FBXO25: variants seen among roughly 807,000 people sequenced by gnomAD.
FBXO25 encodes F-box protein 25.
FBXO25 carries 45 observed loss-of-function variants against 51.9 expected under a neutral mutation model. The ratio of observed to expected loss-of-function variants is 0.87; its 90% CI spans 0.68 to 1.11. The LOEUF is 1.11. Ranked by LOEUF, FBXO25 falls within the 50% of genes most tolerant of loss-of-function variation. The pLI is 0.00. For synonymous variants in FBXO25, 199 were observed against 151.0 expected, an observed-to-expected ratio of 1.32 and a Z score of -2.33; for missense variants, 507 against 428.5, an observed-to-expected ratio of 1.18 and a Z score of -1.62.
intron 9 of FBXO25, chr8:467,855 C>G: frequency 6.3e-7 from 1 of 1,588,390 alleles, no homozygotes; most frequent in East Asian, 2.2e-5. Context: ...CCAGCTCTCG[C>G]TGACTTGAGC....
chr8:467,555 T>C (rs917870317), intron 9 of FBXO25, among the ~76,000 whole-genome samples: 1 of 152,248 alleles, frequency 6.6e-6, no homozygotes, highest in Non-Finnish European at 1.5e-5. Flanking sequence ...TTAATAACCT[T>C]GTACTGTCCA....
chr8:432,113 T>A (rs1284514002), intron 3 of FBXO25, among the ~76,000 whole-genome samples: 1 of 152,226 alleles, frequency 6.6e-6, no homozygotes, highest in African/African-American at 2.4e-5. Flanking sequence ...ATGGCCACCA[T>A]CACTGCTCTT....
At chr8:427,025 C>G (rs192073183) in intron 2 of FBXO25, among the ~76,000 whole-genome samples, 5 of 152,022 alleles carry the variant, frequency 3.3e-5, no homozygotes, top group African/African-American at 1.2e-4. Flanking sequence ...TACACTGATA[C>G]GAAGTAGCTT....
intron 2 of FBXO25, among the ~76,000 whole-genome samples, chr8:429,647 C>T (rs1797699588): frequency 6.6e-6 from 1 of 152,104 alleles, no homozygotes; most frequent in African/African-American, 2.4e-5. Flanking sequence ...GTGTAAAACC[C>T]ACAACCAAAA....
intron 2 of FBXO25, among the ~76,000 whole-genome samples, chr8:415,654 A>G (rs143689858): frequency 8.6e-4 from 131 of 152,290 alleles, no homozygotes; most frequent in Middle Eastern, 3.4e-3. Flanking sequence ...TGAGTCACAT[A>G]TTGATTGGAC....
At chr8:454,693 C>T (rs973088609) in intron 7 of FBXO25, among the ~76,000 whole-genome samples, 1 of 152,054 alleles carries the variant, frequency 6.6e-6, no homozygotes, top group Non-Finnish European at 1.5e-5. Context: ...AGATAGAGAC[C>T]ATGCTGGCTA....
rs781070917 is a variant in FBXO25 at position 477,176 on chromosome 8, T to C, written c.*8372T>C. 2 of 152,250 alleles carry C rather than the reference T, an allele frequency of 1.3e-5. No homozygotes were observed. Among genetic ancestry groups the C allele is most frequent in the Non-Finnish European group, 2.9e-5 (2 of 68,048 alleles). The allele number at this position is 152,250 out of a possible 1,614,324, so 9.4% of individuals were successfully genotyped here. On this transcript the variant is annotated 3_prime_UTR_variant, in exon 10 of 10. Transcript: ENST00000350302. ...TTTATTTCCTCAGTCTTTTGAAATT[T>C]GTTGACTTGTTTAGTCATCTAACAT...
At chr8:408,440 C>T (rs905983404) in intron 1 of FBXO25, among the ~76,000 whole-genome samples, 2 of 152,172 alleles carry the variant, frequency 1.3e-5, no homozygotes, top group African/African-American at 4.8e-5. Flanking sequence ...AGTGAGACTC[C>T]ATCATTTTGA....
chr8:422,281 G>A (rs1797204113), intron 2 of FBXO25, among the ~76,000 whole-genome samples: 1 of 152,254 alleles, frequency 6.6e-6, no homozygotes, highest in African/African-American at 2.4e-5. Context: ...GTGGTGCTGT[G>A]TGAATGGCAC....
chr8:444,949 C>T (rs968514686), intron 5 of FBXO25, among the ~76,000 whole-genome samples: 2 of 152,226 alleles, frequency 1.3e-5, no homozygotes, highest in East Asian at 1.9e-4. Context: ...CCTTGTTAAG[C>T]GACCCATGAC....
At chr8:452,645 G>T (rs373683356) in intron 7 of FBXO25, among the ~76,000 whole-genome samples, 1 of 152,192 alleles carries the variant, frequency 6.6e-6, no homozygotes. Context: ...CCCAAGGAAG[G>T]GGGTGTTTGG....
At position 477,077 on chromosome 8, in the gene FBXO25, C is replaced by T. The variant is rs985364484; in HGVS notation, c.*8273C>T. On this transcript the variant is annotated 3_prime_UTR_variant, in exon 10 of 10. Coordinates refer to ENST00000350302, the MANE Select transcript of FBXO25 (RefSeq NM_183420.2). ...GGTTGAGAGCGTTGTTTAATTTTCA[C>T]ATAATTGTGTACTTTTCAGTTTTTT... 1 of 152,156 alleles carries T rather than the reference C, an allele frequency of 6.6e-6. No individual in the cohort carries two copies. The highest frequency in any genetic ancestry group is 1.5e-5 in the Non-Finnish European group (1 of 68,030). The allele number at this position is 152,156 out of a possible 1,614,324, so 9.4% of individuals were successfully genotyped here. A position where few individuals can be genotyped will look rare whatever the true frequency, so the allele number is the denominator to read the frequency against.
At chr8:413,312 T>A in intron 2 of FBXO25, 99 bp downstream of exon 2, 1 of 1,362,898 alleles carries the variant, frequency 7.3e-7, no homozygotes, top group Non-Finnish European at 9.5e-7. Context: ...CTTTTGAGAC[T>A]TGCCCACCCA....
intron 2 of FBXO25, among the ~76,000 whole-genome samples, chr8:430,411 CA>C (rs1317740407): frequency 6.6e-6 from 1 of 151,548 alleles, no homozygotes; most frequent in African/African-American, 2.4e-5. Flanking sequence ...TCTGTTCTGA[CA>C]GTGAGAAAGT....
In FBXO25 at chr8:419,580, G is replaced by A. The variant is rs532266507; in HGVS notation, c.134+6367G>A. 7.9e-5 allele frequency among the ~76,000 whole-genome samples: 12 copies of A among 152,204 alleles called. No homozygotes were observed. In the South Asian group the frequency reaches 2.5e-3, roughly 32 times the overall value. On this transcript the variant is annotated intron_variant, in intron 2 of 9. Coordinates refer to ENST00000350302, the MANE Select transcript of FBXO25 (RefSeq NM_183420.2). ...CCATGGAGAAAGTGTAATCTTGTCA[G>A]CAAATGGGCTAGAAAACTAGATGTG...
At chr8:408,534 C>G (rs1796303212) in intron 1 of FBXO25, among the ~76,000 whole-genome samples, 1 of 152,178 alleles carries the variant, frequency 6.6e-6, no homozygotes, top group African/African-American at 2.4e-5. Flanking sequence ...ATAATGTTTT[C>G]TACCTTGGAG....
intron 9 of FBXO25, among the ~76,000 whole-genome samples, chr8:464,143 G>C (rs778963139): frequency 9.9e-5 from 15 of 152,042 alleles, no homozygotes; most frequent in East Asian, 3.9e-4. Context: ...GTAGAGACAG[G>C]GTTTCACCGT....
rs1304161965 is a variant in FBXO25, at chr8:473,073, G to C, written c.*4269G>C. 1.6e-4 allele frequency: 24 copies of C among 152,424 alleles called. 1 individual carries two copies. Among genetic ancestry groups the C allele is most frequent in the Admixed American group, 1.5e-3 (23 of 15,288 alleles). 9.4% of individuals were successfully genotyped at this position (152,424 alleles called of 1,614,324 possible). ...TTGGGGCCCTCTATGGCTGACACCA[G>C]CATCCACCCTGCACTCATATGTATC... On this transcript the variant is annotated 3_prime_UTR_variant, in exon 10 of 10. Coordinates refer to ENST00000350302, the MANE Select transcript of FBXO25 (RefSeq NM_183420.2).
chr8:433,880 A>C (rs1167969575), intron 4 of FBXO25, among the ~76,000 whole-genome samples: 1 of 152,256 alleles, frequency 6.6e-6, no homozygotes, highest in East Asian at 1.9e-4. Flanking sequence ...AGAATGAATC[A>C]GATCCTTAAT....
Sources: allele counts gnomAD v4.1 joint callset (sites outside exome capture counted in the v4.1 genomes callset), GRCh38; gene constraint gnomAD v4.1.1; transcripts MANE v1.5; gene names NCBI Gene and HGNC (gene_info 2026-07-23, HGNC 2026-07-21).